Variants in ATIC observed in about 807,000 individuals in gnomAD.
ATIC encodes 5-aminoimidazole-4-carboxamide ribonucleotide formyltransferase/IMP cyclohydrolase.
A neutral mutation model predicts 72.5 loss-of-function variants in ATIC; 64 were observed. The observed-to-expected ratio is 0.88, with a 90% CI of 0.72 to 1.09. ATIC has a LOEUF of 1.09. ATIC is among the 50% of genes least tolerant of loss of function. The pLI, the probability that ATIC is intolerant of heterozygous loss-of-function variation, is 0.00. For synonymous variants in ATIC, 281 were observed against 267.1 expected, an observed-to-expected ratio of 1.05 and a Z score of -0.51; for missense variants, 787 against 732.4, an observed-to-expected ratio of 1.07 and a Z score of -0.86.
rs140936421 is a variant in ATIC at position 215,317,278 on chromosome 2, G to A, written c.147-879G>A. Among the ~76,000 whole-genome samples, 322 of 151,842 alleles carry A rather than the reference G, an allele frequency of 2.1e-3. 2 individuals carry two copies. Among genetic ancestry groups the A allele is most frequent in the African/African-American group, 7.2e-3 (297 of 41,370 alleles). On this transcript the variant is annotated intron_variant, in intron 2 of 15. Coordinates refer to ENST00000236959, the MANE Select transcript of ATIC (RefSeq NM_004044.7). ...GTAAAACTTTTTATTTAACATTTCTGTAATCAGAACTCTCAATCTTTTGTT... is the reference window on the plus strand; with the variant it reads ...GTAAAACTTTTTATTTAACATTTCTATAATCAGAACTCTCAATCTTTTGTT...
chr2:215,333,920 T>A (rs2052924942), intron 9 of ATIC, among the ~76,000 whole-genome samples: 2 of 151,556 alleles, frequency 1.3e-5, no homozygotes, highest in Admixed American at 1.3e-4. Flanking sequence ...GGGGTACCTG[T>A]AGTCCCAGGT....
At chr2:215,361,858 G>GTT in the ATIC span, 1 of 1,383,602 alleles carries the variant, frequency 7.2e-7, no homozygotes, top group Non-Finnish European at 9.9e-7. Flanking sequence ...TCATTTATGA[G>GTT]TTGTTTTTTT....
chr2:215,332,246 T>A (rs1269480460), intron 7 of ATIC, 136 bp from the exon 8 acceptor site: 1 of 1,284,994 alleles, frequency 7.8e-7, no homozygotes, highest in African/African-American at 1.5e-5. Context: ...ATCAAGATTT[T>A]ATGTTTGTGT....
rs760301346 is a variant in ATIC, at chr2:215,319,729, A to G, written c.288A>G (p.Ile96Met). ...TGGCCAGACTTGATTTCAATCTTAT[A>G]AGGTAAAAACCTGAAATTAAACTTT... ...ADMARLDFNL[I>M]RVVACNLYPF... The change falls in exon 4 of 16, where the codon ATA becomes ATG. Residue 96 changes from isoleucine to methionine, a missense_variant and splice_region_variant. Transcript: ENST00000236959. The G allele has an allele frequency of 6.2e-7, 1 of 1,605,858 alleles. No homozygotes were observed. Among genetic ancestry groups the G allele is most frequent in the Non-Finnish European group, 8.5e-7 (1 of 1,172,486 alleles).
At chr2:215,312,253 A>AG in intron 1 of ATIC, 92 bp downstream of exon 1, 5 of 1,458,806 alleles carry the variant, frequency 3.4e-6, no homozygotes, top group Middle Eastern at 2.5e-4. Flanking sequence ...CCGGCACTGC[A>AG]GGGGCGGCGC....
chr2:215,338,949 T>C (rs115313843), intron 12 of ATIC, 42 bp downstream of exon 12: 31,015 of 1,608,276 alleles, frequency 0.019, 377 homozygotes, highest in Non-Finnish European at 0.022. Context: ...GTAACTTCCA[T>C]TGGTCTGTTT....
At chr2:215,336,823 T>C (rs1471533675) in intron 11 of ATIC, among the ~76,000 whole-genome samples, 2 of 152,240 alleles carry the variant, frequency 1.3e-5, no homozygotes, top group Admixed American at 6.5e-5. Context: ...TTGGTAATCT[T>C]AATTGATACT....
At chr2:215,312,670 C>G in intron 2 of ATIC, 46 bp downstream of exon 2, 3 of 1,613,836 alleles carry the variant, frequency 1.9e-6, no homozygotes, top group Non-Finnish European at 2.5e-6. Flanking sequence ...ATCACATTAA[C>G]CAGGAAGTAT....
At chr2:215,366,649 T>C in the ATIC span, among the ~76,000 whole-genome samples, 1 of 152,202 alleles carries the variant, frequency 6.6e-6, no homozygotes, top group Non-Finnish European at 1.5e-5. Context: ...AATATACTAC[T>C]TTTTCCATTT....
chr2:215,326,721 T>G, intron 6 of ATIC, 101 bp from the exon 7 acceptor site: 2 of 1,441,636 alleles, frequency 1.4e-6, no homozygotes, highest in Non-Finnish European at 2.0e-6. Context: ...CACATAGCAC[T>G]GAATAGTGAG....
chr2:215,344,719 G>A, intron 12 of ATIC, 60 bp from the exon 13 acceptor site: 1 of 1,495,614 alleles, frequency 6.7e-7, no homozygotes, highest in East Asian at 2.3e-5. Context: ...AAAAAAAGAA[G>A]CTTAAAGTTA....
rs200644560 is a variant in ATIC at position 215,349,602 on chromosome 2, G to A, written c.1726G>A (p.Asp576Asn). Residue 576 changes from aspartate to asparagine, a missense_variant, in exon 16 of 16, where the codon GAC becomes AAC. Physicochemically the swap from Asp to Asn is conservative, Grantham distance 23. Transcript: ENST00000236959. Reference sequence around the variant, plus strand: ...TGACAAAGTTGTGATTGAGGCCTGCGACGAACTGGGAATCATCCTCGCTCA... The same window carrying A: ...TGACAAAGTTGTGATTGAGGCCTGCAACGAACTGGGAATCATCCTCGCTCA... ...AADKVVIEAC[D>N]ELGIILAHTN... The A allele has an allele frequency of 2.6e-5, 42 of 1,614,150 alleles. No homozygotes were observed. The highest frequency in any genetic ancestry group is 2.9e-5 in the Non-Finnish European group (34 of 1,180,044).
chr2:215,317,576 CTT>C (rs563998465), intron 2 of ATIC, among the ~76,000 whole-genome samples: 263 of 152,226 alleles, frequency 1.7e-3, no homozygotes, highest in African/African-American at 5.8e-3. Context: ...ACCTCCAACT[CTT>C]GGGTTCAAGT....
intron 2 of ATIC, among the ~76,000 whole-genome samples, chr2:215,314,181 G>A (rs573401113): frequency 6.6e-6 from 1 of 152,218 alleles, no homozygotes; most frequent in South Asian, 2.1e-4. Context: ...TTAAAAACTG[G>A]AAATGTAAAT....
chr2:215,318,195 G>C lies in ATIC; in HGVS notation c.185G>C (p.Gly62Ala). The stretch of plus-strand genomic sequence containing the variant: ...TTGACGGGATTTCCTGAAATGTTGG[G>C]GGGACGTGTGAAAACTTTGCATCCT... ...SELTGFPEML[G>A]GRVKTLHPAV... is the part of the protein sequence containing the mutation. The change falls in exon 3 of 16, where the codon GGG becomes GCG. Residue 62 changes from glycine (G) to alanine (A), a missense_variant. Transcript: ENST00000236959. The C allele has an allele frequency of 6.2e-7, 1 of 1,614,134 alleles. No homozygotes were observed. The highest frequency in any genetic ancestry group is 8.5e-7 in the Non-Finnish European group (1 of 1,180,012).
At chr2:215,361,571 T>C in the ATIC span, 1 of 1,609,624 alleles carries the variant, frequency 6.2e-7, no homozygotes, top group Admixed American at 1.7e-5. Flanking sequence ...TCGGGAATCT[T>C]CTCTGTCAGC....
the ATIC span, chr2:215,362,724 C>CA: frequency 6.5e-6 from 1 of 153,828 alleles, no homozygotes; most frequent in African/African-American, 2.4e-5. Flanking sequence ...CAGTGAGGCT[C>CA]CTGCCTGAAG....
chr2:215,332,235 C>A, intron 7 of ATIC, 147 bp from the exon 8 acceptor site: 4 of 1,130,084 alleles, frequency 3.5e-6, no homozygotes, highest in Non-Finnish European at 2.5e-6. Flanking sequence ...TGTTCTTTAT[C>A]ATCAAGATTT....
chr2:215,361,792 A>G, the ATIC span: 1 of 492,896 alleles, frequency 2.0e-6, no homozygotes, highest in Non-Finnish European at 2.6e-6. Flanking sequence ...GAGATGTTCA[A>G]GAGTTACATA....
Sources: allele counts gnomAD v4.1 joint callset (sites outside exome capture counted in the v4.1 genomes callset), GRCh38; gene constraint gnomAD v4.1.1; transcripts MANE v1.5; gene names NCBI Gene and HGNC (gene_info 2026-07-23, HGNC 2026-07-21).